Variants in GPHN observed in about 807,000 individuals in gnomAD.
GPHN encodes the protein gephyrin.
Under a neutral mutation model 95.5 loss-of-function variants are expected in GPHN, and 17 were observed. The observed-to-expected ratio is 0.18, with a 90% CI of 0.12 to 0.27. The LOEUF (loss-of-function observed/expected upper bound fraction) is 0.27. Ranked by LOEUF, GPHN falls within the 10% of genes least tolerant of loss-of-function variation. The probability of loss-of-function intolerance (pLI) is 1.00; values close to 1 mark genes in which losing one functional copy is unlikely to be tolerated. For missense variants in GPHN, 660 were observed against 978.1 expected, an observed-to-expected ratio of 0.67 and a Z score of 4.34; for synonymous variants, 320 against 322.5, an observed-to-expected ratio of 0.99 and a Z score of 0.08.
At chr14:66,666,993 A>T (rs886371487) in intron 1 of GPHN, among the ~76,000 whole-genome samples, 2 of 152,180 alleles carry the variant, frequency 1.3e-5, no homozygotes, top group African/African-American at 4.8e-5. Flanking sequence ...TACATGAACA[A>T]CAGTACAAGT....
chr14:67,414,665 C>T, the GPHN span, among the ~76,000 whole-genome samples: 1 of 152,232 alleles, frequency 6.6e-6, no homozygotes, highest in Non-Finnish European at 1.5e-5. Flanking sequence ...AGGTGACTCA[C>T]AGCCTGATGT....
chr14:66,987,583 G>A (rs2071109319), intron 9 of GPHN, among the ~76,000 whole-genome samples: 1 of 151,910 alleles, frequency 6.6e-6, no homozygotes, highest in African/African-American at 2.4e-5. Flanking sequence ...AAGTGTGTTT[G>A]GGAAAGAAAG....
chr14:67,699,589 CAAAAAAAAAAAAAAA>C, the GPHN span, among the ~76,000 whole-genome samples: 1 of 50,812 alleles, frequency 2.0e-5, no homozygotes, highest in East Asian at 5.9e-4. Flanking sequence ...GACCCTATCT[CAAAAAAAAAAAAAAA>C]AAAAAAAAGA....
At chr14:66,822,026 A>G (rs2061213653) in intron 3 of GPHN, among the ~76,000 whole-genome samples, 1 of 152,198 alleles carries the variant, frequency 6.6e-6, no homozygotes, top group Non-Finnish European at 1.5e-5. Flanking sequence ...TTCTCGGCTC[A>G]CTGCAACCTC....
At chr14:66,772,360 G>A (rs1046988345) in intron 2 of GPHN, among the ~76,000 whole-genome samples, 2 of 152,196 alleles carry the variant, frequency 1.3e-5, no homozygotes, top group Non-Finnish European at 2.9e-5. Flanking sequence ...TGACCTCGTG[G>A]TAGGCAGAAT....
At chr14:67,089,238 A>G (rs2077052909) in intron 12 of GPHN, among the ~76,000 whole-genome samples, 163 bp downstream of exon 12, 1 of 149,060 alleles carries the variant, frequency 6.7e-6, no homozygotes, top group African/African-American at 2.5e-5. Context: ...TCATTCACAG[A>G]TAACCATGTT....
At chr14:66,716,878 A>C (rs1423469846) in intron 2 of GPHN, among the ~76,000 whole-genome samples, 1 of 152,148 alleles carries the variant, frequency 6.6e-6, no homozygotes, top group Non-Finnish European at 1.5e-5. Flanking sequence ...TCTGCTGAGA[A>C]ATCTGTGGTT....
intron 10 of GPHN, among the ~76,000 whole-genome samples, chr14:67,041,214 T>C (rs1473898586): frequency 6.6e-6 from 1 of 151,516 alleles, no homozygotes; most frequent in Non-Finnish European, 1.5e-5. Context: ...AACACTTTCT[T>C]TTTTTTTATT....
chr14:67,383,830 C>G, the GPHN span: 2 of 238,874 alleles, frequency 8.4e-6, no homozygotes, highest in Non-Finnish European at 8.4e-6. Context: ...TGTATTCAAG[C>G]AAACATCAAA....
chr14:67,047,375 T>G (rs192756256), intron 10 of GPHN, among the ~76,000 whole-genome samples: 1,776 of 147,608 alleles, frequency 0.012, 24 homozygotes, highest in Non-Finnish European at 0.018. Flanking sequence ...TGTTTTTTTT[T>G]TTTTTTTTGA....
chr14:67,236,368 A>G, the GPHN span, among the ~76,000 whole-genome samples: 1 of 152,046 alleles, frequency 6.6e-6, no homozygotes, highest in Non-Finnish European at 1.5e-5. Context: ...TCCTCCTGGT[A>G]TAAGACCTTT....
chr14:67,732,112 A>AG, the GPHN span, among the ~76,000 whole-genome samples: 2 of 133,614 alleles, frequency 1.5e-5, no homozygotes, highest in Non-Finnish European at 1.6e-5. Flanking sequence ...GGGCGACAGA[A>AG]TGAGACTCTG....
chr14:67,540,361 C>T, the GPHN span, among the ~76,000 whole-genome samples: 2 of 152,126 alleles, frequency 1.3e-5, no homozygotes, highest in East Asian at 3.9e-4. Context: ...TACAGTGGCT[C>T]ACACCTGTAA....
intron 4 of GPHN, among the ~76,000 whole-genome samples, chr14:66,845,835 G>GTC (rs1295251691): frequency 3.6e-4 from 54 of 151,326 alleles, no homozygotes; most frequent in African/African-American, 1.2e-3. Flanking sequence ...GTGTGTGTGT[G>GTC]TGTGTGTGTG....
chr14:66,826,242 G>A (rs2061381308), intron 4 of GPHN, among the ~76,000 whole-genome samples: 1 of 152,076 alleles, frequency 6.6e-6, no homozygotes, highest in African/African-American at 2.4e-5. Flanking sequence ...AATACAAAAT[G>A]CTAGGCTGAA....
chr14:67,517,211 G>A, the GPHN span, among the ~76,000 whole-genome samples: 1 of 152,174 alleles, frequency 6.6e-6, no homozygotes, highest in East Asian at 1.9e-4. Flanking sequence ...CATCCCCTGT[G>A]CCCCCTTGCC....
chr14:66,917,418 C>T (rs2065969247), intron 6 of GPHN, among the ~76,000 whole-genome samples: 1 of 152,174 alleles, frequency 6.6e-6, no homozygotes, highest in African/African-American at 2.4e-5. Flanking sequence ...ACAATGTCAT[C>T]TCTTGTTCTG....
the GPHN span, chr14:67,225,190 G>A: frequency 6.4e-7 from 1 of 1,560,444 alleles, no homozygotes; most frequent in Non-Finnish European, 8.7e-7. Context: ...CCTTTCTCAA[G>A]GGAATGAATG....
At chr14:66,738,381 G>T (rs371161291) in intron 2 of GPHN, among the ~76,000 whole-genome samples, 1 of 152,120 alleles carries the variant, frequency 6.6e-6, no homozygotes, top group Non-Finnish European at 1.5e-5. Context: ...ATTATAAAGG[G>T]TATAGTCTCT....
Sources: allele counts gnomAD v4.1 joint callset (sites outside exome capture counted in the v4.1 genomes callset), GRCh38; gene constraint gnomAD v4.1.1; transcripts MANE v1.5; gene names NCBI Gene and HGNC (gene_info 2026-07-23, HGNC 2026-07-21).